Variants in LCORL observed in about 807,000 individuals in gnomAD.
LCORL encodes ligand-dependent nuclear receptor corepressor-like protein.
Under a neutral mutation model 141.8 loss-of-function variants are expected in LCORL, and 41 were observed. The observed-to-expected ratio is 0.29, with a 90% CI of 0.23 to 0.38. The LOEUF (loss-of-function observed/expected upper bound fraction) is 0.38. Among genes scored for constraint, LCORL ranks in the 10% least tolerant of loss-of-function variants. The pLI is 1.00. For synonymous variants in LCORL, 618 were observed against 694.1 expected (o/e 0.89, Z 1.72); for missense variants, 1,759 against 2,035.0 (o/e 0.86, Z 2.61).
intron 5 of LCORL, among the ~76,000 whole-genome samples, chr4:17,892,087 T>C (rs1005059168): frequency 1.1e-4 from 17 of 152,344 alleles, no homozygotes; most frequent in Non-Finnish European, 2.1e-4. Context: ...TGATTGTTAC[T>C]GTTTAACTAT....
chr4:17,972,406 T>C (rs191563064), intron 2 of LCORL, among the ~76,000 whole-genome samples: 13 of 151,928 alleles, frequency 8.6e-5, no homozygotes, highest in Non-Finnish European at 1.6e-4. Flanking sequence ...AAATGGGTGA[T>C]AGCTTTTTAG....
At chr4:17,936,377 A>C (rs1736859576) in intron 4 of LCORL, among the ~76,000 whole-genome samples, 17 of 151,162 alleles carry the variant, frequency 1.1e-4, no homozygotes, top group Non-Finnish European at 2.5e-4. Context: ...AAAAAAAAAA[A>C]GAAACAAAAA....
chr4:17,987,378 C>A (rs1719161585), intron 1 of LCORL, among the ~76,000 whole-genome samples: 1 of 152,176 alleles, frequency 6.6e-6, no homozygotes, highest in Non-Finnish European at 1.5e-5. Context: ...CATGTTGTAG[C>A]ATACATCAGT....
At chr4:17,883,329 A>G (rs1319271724) in intron 6 of LCORL, 3 of 1,000,888 alleles carry the variant, frequency 3.0e-6, no homozygotes, top group Non-Finnish European at 3.6e-6. Flanking sequence ...TATTTCCATT[A>G]TAAGATGGTT....
chr4:17,976,230 G>T (rs1716933914), intron 1 of LCORL, among the ~76,000 whole-genome samples: 1 of 152,036 alleles, frequency 6.6e-6, no homozygotes, highest in Non-Finnish European at 1.5e-5. Context: ...GTTTTTTGAG[G>T]ACAGTGTTTT....
chr4:17,908,130 T>A (rs1731951000), intron 5 of LCORL, among the ~76,000 whole-genome samples: 1 of 152,124 alleles, frequency 6.6e-6, no homozygotes, highest in Non-Finnish European at 1.5e-5. Context: ...CCTCCTGGAT[T>A]CAAGCAACTC....
chr4:17,999,779 A>C (rs1721621946), intron 1 of LCORL, among the ~76,000 whole-genome samples: 1 of 152,166 alleles, frequency 6.6e-6, no homozygotes, highest in South Asian at 2.1e-4. Context: ...ATGTTCCTTA[A>C]AATCTCAGTT....
intron 5 of LCORL, among the ~76,000 whole-genome samples, chr4:17,891,765 C>T (rs1387150914): frequency 6.6e-6 from 1 of 151,924 alleles, no homozygotes; most frequent in Admixed American, 6.6e-5. Flanking sequence ...AAAACAAGAA[C>T]CCCCAAATAA....
chr4:17,909,152 C>T, exon 5 of LCORL: 1 of 1,613,178 alleles, frequency 6.2e-7, no homozygotes. Flanking sequence ...GGCCTTCCTG[C>T]TCTTCCTGAA....
Position 17,877,009 on chromosome 4 carries a change from A to T in LCORL, c.1981T>A (p.Ser661Thr), listed in dbSNP as rs371891906. ...TAGAATTCTCCTTTGTCTGATGAAG[A>T]TATCTCATTGTTTTGTGTCAATTTC... The change falls in exon 7 of 8, where the codon TCT becomes ACT. Residue 661 changes from serine (S) to threonine (T), a missense_variant. Transcript: ENST00000635767. 3.3e-6 allele frequency: 4 copies of T among 1,230,552 alleles called. No individual in the cohort carries two copies. The African/African-American group carries it at 6.2e-5, about 19-fold the overall frequency. The allele number at this position is 1,230,552 out of a possible 1,614,324, so 76.2% of individuals were successfully genotyped here. A position where few individuals can be genotyped will look rare whatever the true frequency, so the allele number is the denominator to read the frequency against.
chr4:17,841,518 GGAGTAGAAAA>G (rs1401006792), exon 8 of LCORL: 3 of 151,856 alleles, frequency 2.0e-5, no homozygotes, highest in Non-Finnish European at 2.9e-5. Context: ...AAGCAGGTAA[GGAGTAGAAAA>G]AAGTGTAACA....
At chr4:17,988,517 A>ATC (rs1336186123) in intron 1 of LCORL, among the ~76,000 whole-genome samples, 1 of 152,134 alleles carries the variant, frequency 6.6e-6, no homozygotes, top group Non-Finnish European at 1.5e-5. Context: ...CTTTCCATTC[A>ATC]TCTGCTCATC....
intron 6 of LCORL, chr4:17,881,907 C>T (rs1018005945): frequency 1.0e-6 from 1 of 981,758 alleles, no homozygotes; most frequent in South Asian, 4.7e-5. Flanking sequence ...CAAAATATGG[C>T]TTAATTCTTT....
At chr4:18,007,228 T>C (rs1390849906) in intron 1 of LCORL, among the ~76,000 whole-genome samples, 1 of 152,206 alleles carries the variant, frequency 6.6e-6, no homozygotes, top group Non-Finnish European at 1.5e-5. Context: ...TTGCCTTATC[T>C]ATAAAGTAGG....
chr4:17,880,392 A>AT (rs1012286623), intron 6 of LCORL: 112 of 838,258 alleles, frequency 1.3e-4, no homozygotes, highest in Non-Finnish European at 1.4e-4. Flanking sequence ...CTAAAATTGT[A>AT]TTTTTTTTGT....
At chr4:17,996,382 A>G (rs1720926154) in intron 1 of LCORL, among the ~76,000 whole-genome samples, 1 of 152,140 alleles carries the variant, frequency 6.6e-6, no homozygotes, top group Non-Finnish European at 1.5e-5. Context: ...CAATTTAAAT[A>G]GGAGGTTTGT....
exon 7 of LCORL, chr4:17,874,738 A>T: frequency 8.1e-7 from 1 of 1,233,944 alleles, no homozygotes; most frequent in East Asian, 3.2e-5. Flanking sequence ...GGGTTTGATG[A>T]AATTATAGGA....
intron 7 of LCORL, among the ~76,000 whole-genome samples, chr4:17,858,490 C>T (rs963716578): frequency 1.3e-5 from 2 of 151,232 alleles, no homozygotes; most frequent in African/African-American, 2.4e-5. Context: ...TTTGAGAGGC[C>T]GAGGCAGGTG....
At chr4:17,891,086 T>A (rs1729002785) in intron 5 of LCORL, among the ~76,000 whole-genome samples, 1 of 152,170 alleles carries the variant, frequency 6.6e-6, no homozygotes. Flanking sequence ...GTAACTTACA[T>A]TAAACCTAAT....
Sources: allele counts gnomAD v4.1 joint callset (sites outside exome capture counted in the v4.1 genomes callset), GRCh38; gene constraint gnomAD v4.1.1; transcripts MANE v1.5; gene names NCBI Gene and HGNC (gene_info 2026-07-23, HGNC 2026-07-21).